MAF: variants seen among roughly 807,000 people sequenced by gnomAD.
MAF encodes the protein MAF bZIP transcription factor.
MAF carries 10 observed loss-of-function variants against 22.0 expected under a neutral mutation model. That is an observed-to-expected ratio of 0.45 (90% confidence interval 0.28 to 0.77). The LOEUF (loss-of-function observed/expected upper bound fraction) is 0.77. Among genes scored for constraint, MAF ranks in the 30% least tolerant of loss-of-function variants. The probability of loss-of-function intolerance (pLI) is 0.12; values close to 1 mark genes in which losing one functional copy is unlikely to be tolerated. For synonymous variants in MAF, 337 were observed against 255.8 expected, an observed-to-expected ratio of 1.32 and a Z score of -3.03; for missense variants, 544 against 548.4, an observed-to-expected ratio of 0.99 and a Z score of 0.08.
chr16:79,212,500 C>T, the MAF span: 12 of 204,158 alleles, frequency 5.9e-5, no homozygotes, highest in East Asian at 7.6e-4. Context: ...GGAAGGGAAG[C>T]GTATATACTT....
At chr16:79,562,276 G>A in the MAF span, among the ~76,000 whole-genome samples, 3 of 152,190 alleles carry the variant, frequency 2.0e-5, no homozygotes, top group African/African-American at 7.2e-5. Flanking sequence ...CCAACGAATT[G>A]TGAAGCAGTA....
chr16:79,586,786 T>C (rs1022387756), intron 1 of MAF, among the ~76,000 whole-genome samples: 1 of 152,206 alleles, frequency 6.6e-6, no homozygotes, highest in Non-Finnish European at 1.5e-5. Context: ...CTATAGCTAG[T>C]CACAATATAG....
At chr16:79,560,428 A>C in the MAF span, among the ~76,000 whole-genome samples, 2 of 152,220 alleles carry the variant, frequency 1.3e-5, no homozygotes, top group African/African-American at 4.8e-5. Context: ...GCTGAAAAAA[A>C]AAAAACCTGA....
At chr16:79,268,012 G>A in the MAF span, among the ~76,000 whole-genome samples, 4 of 152,238 alleles carry the variant, frequency 2.6e-5, no homozygotes, top group African/African-American at 7.2e-5. Flanking sequence ...AGAGCTGTCC[G>A]GGTGGCACTG....
the MAF span, among the ~76,000 whole-genome samples, chr16:79,550,760 A>G: frequency 6.8e-6 from 1 of 147,646 alleles, no homozygotes; most frequent in Non-Finnish European, 1.5e-5. Flanking sequence ...CTAGAGGAAG[A>G]GTCTCCTGAA....
At chr16:79,415,578 A>G in the MAF span, among the ~76,000 whole-genome samples, 2 of 152,150 alleles carry the variant, frequency 1.3e-5, no homozygotes, top group African/African-American at 2.4e-5. Flanking sequence ...TGTGGTCAGC[A>G]TTCAAAGCCT....
At chr16:79,525,970 C>T in the MAF span, among the ~76,000 whole-genome samples, 1 of 152,200 alleles carries the variant, frequency 6.6e-6, no homozygotes, top group African/African-American at 2.4e-5. Context: ...AGCTTCCTTA[C>T]CTTAACCAGC....
chr16:79,430,603 G>A, the MAF span, among the ~76,000 whole-genome samples: 1 of 152,200 alleles, frequency 6.6e-6, no homozygotes, highest in Non-Finnish European at 1.5e-5. Context: ...GGAAATGTCT[G>A]CTGAATTGGG....
the MAF span, among the ~76,000 whole-genome samples, chr16:79,409,963 A>G: frequency 2.0e-5 from 3 of 152,008 alleles, no homozygotes. Flanking sequence ...CCTGAGAAAG[A>G]CTCCATACCT....
intron 1 of MAF, chr16:79,597,887 A>T (rs538954870): frequency 2.3e-5 from 24 of 1,036,000 alleles, no homozygotes; most frequent in South Asian, 4.6e-5. Flanking sequence ...AGTAGCAAGC[A>T]TAATAATGCA....
chr16:79,581,951 G>T (rs111680149), downstream of MAF, among the ~76,000 whole-genome samples: 9 of 152,142 alleles, frequency 5.9e-5, no homozygotes, highest in Non-Finnish European at 1.3e-4. Flanking sequence ...CTTCCATTTG[G>T]TATTAGTTCC....
chr16:79,549,825 A>G, the MAF span, among the ~76,000 whole-genome samples: 4 of 152,218 alleles, frequency 2.6e-5, no homozygotes, highest in African/African-American at 9.7e-5. Context: ...ATGGAATGCC[A>G]TTTCCATAAT....
chr16:79,285,000 A>G, the MAF span, among the ~76,000 whole-genome samples: 2 of 152,220 alleles, frequency 1.3e-5, no homozygotes, highest in African/African-American at 4.8e-5. Context: ...ACGGCATCAC[A>G]TGTATATGCA....
chr16:79,226,184 G>A, the MAF span, among the ~76,000 whole-genome samples: 1 of 152,182 alleles, frequency 6.6e-6, no homozygotes, highest in Non-Finnish European at 1.5e-5. Flanking sequence ...ATATACCATG[G>A]AATACTATGC....
the MAF span, among the ~76,000 whole-genome samples, chr16:79,311,044 C>A: frequency 1.3e-5 from 2 of 150,224 alleles, no homozygotes; most frequent in African/African-American, 4.9e-5. Flanking sequence ...CTGCAAAATG[C>A]ACCCAATTCA....
chr16:79,362,165 T>C, the MAF span, among the ~76,000 whole-genome samples: 2 of 152,210 alleles, frequency 1.3e-5, no homozygotes, highest in Admixed American at 1.3e-4. Flanking sequence ...ATAAAGGTAT[T>C]GTGAGAATTA....
At chr16:79,592,841 A>G (rs1313322381), downstream of MAF, among the ~76,000 whole-genome samples, 1 of 152,242 alleles carries the variant, frequency 6.6e-6, no homozygotes, top group Non-Finnish European at 1.5e-5. Context: ...GGACAAAATT[A>G]TTTTTCAAAA....
chr16:79,387,904 T>C, the MAF span, among the ~76,000 whole-genome samples: 10 of 152,246 alleles, frequency 6.6e-5, no homozygotes, highest in African/African-American at 2.4e-4. Flanking sequence ...AGAAGTTTTA[T>C]TCAATGAGTC....
chr16:79,464,441 C>G, the MAF span, among the ~76,000 whole-genome samples: 1 of 152,238 alleles, frequency 6.6e-6, no homozygotes, highest in Admixed American at 6.5e-5. Context: ...TTGGACAATG[C>G]TGTCCAATCT....
Sources: allele counts gnomAD v4.1 joint callset (sites outside exome capture counted in the v4.1 genomes callset), GRCh38; gene constraint gnomAD v4.1.1; transcripts MANE v1.5; gene names NCBI Gene and HGNC (gene_info 2026-07-23, HGNC 2026-07-21).